The following REEP1 variants were observed in gnomAD, a reference collection of about 807,000 sequenced individuals.
REEP1 encodes the protein receptor expression-enhancing protein 1.
In REEP1, 22 loss-of-function variants were observed where a neutral mutation model predicts 40.3. The observed-to-expected ratio is 0.55, with a 90% confidence interval of 0.39 to 0.78. The LOEUF is 0.78. Ranked by LOEUF, REEP1 falls within the 30% of genes least tolerant of loss-of-function variation. The pLI, the probability that REEP1 is intolerant of heterozygous loss-of-function variation, is 0.00. For synonymous variants in REEP1, 116 were observed against 139.2 expected (o/e 0.83, Z 1.17); for missense variants, 280 against 361.1 (o/e 0.78, Z 1.82).
intron 5 of REEP1, among the ~76,000 whole-genome samples, chr2:86,242,461 G>C (rs1410837408): frequency 1.3e-5 from 2 of 152,190 alleles, no homozygotes; most frequent in Non-Finnish European, 2.9e-5. Context: ...TGAGAGGCCA[G>C]TTCTACCTGG....
chr2:86,310,208 G>C (rs879560102), intron 1 of REEP1, among the ~76,000 whole-genome samples: 1 of 152,186 alleles, frequency 6.6e-6, no homozygotes, highest in Non-Finnish European at 1.5e-5. Context: ...TGGCTCTGTT[G>C]TCCTTTTACA....
intron 1 of REEP1, among the ~76,000 whole-genome samples, chr2:86,298,774 T>C (rs1386664493): frequency 6.6e-6 from 1 of 152,214 alleles, no homozygotes; most frequent in Non-Finnish European, 1.5e-5. Flanking sequence ...CCATGGTACA[T>C]TCCTGGAAAT....
intron 7 of REEP1, among the ~76,000 whole-genome samples, chr2:86,223,025 G>T (rs1176242646): frequency 6.6e-6 from 1 of 152,212 alleles, no homozygotes; most frequent in Non-Finnish European, 1.5e-5. Context: ...GACAATGTGT[G>T]TGGGAGGAGG....
chr2:86,319,049 C>T (rs934582914), intron 1 of REEP1, among the ~76,000 whole-genome samples: 8 of 152,140 alleles, frequency 5.3e-5, no homozygotes, highest in African/African-American at 1.2e-4. Context: ...AAATTAAGGG[C>T]GCTTGCTAAC....
At chr2:86,273,852 C>A (rs576318771) in intron 2 of REEP1, among the ~76,000 whole-genome samples, 21 of 152,252 alleles carry the variant, frequency 1.4e-4, no homozygotes, top group African/African-American at 5.1e-4. Flanking sequence ...TGTTTATTCC[C>A]CTGCTTTTCC....
At chr2:86,325,864 A>G (rs1295072178) in intron 1 of REEP1, among the ~76,000 whole-genome samples, 1 of 152,258 alleles carries the variant, frequency 6.6e-6, no homozygotes, top group Non-Finnish European at 1.5e-5. Context: ...AGACTAAAAC[A>G]GTGGGAAAGG....
At chr2:86,262,208 G>A (rs1322279225) in intron 3 of REEP1, among the ~76,000 whole-genome samples, 1 of 152,088 alleles carries the variant, frequency 6.6e-6, no homozygotes. Flanking sequence ...TCTTTTCCAA[G>A]TCTCTCGTTC....
At chr2:86,295,162 CAG>C (rs1212383819) in intron 1 of REEP1, among the ~76,000 whole-genome samples, 5 of 152,238 alleles carry the variant, frequency 3.3e-5, no homozygotes, top group African/African-American at 4.8e-5. Context: ...TCAGGACAAT[CAG>C]GGAACAAATG....
At chr2:86,277,788 T>C (rs1251305353) in intron 2 of REEP1, among the ~76,000 whole-genome samples, 1 of 152,202 alleles carries the variant, frequency 6.6e-6, no homozygotes, top group Non-Finnish European at 1.5e-5. Flanking sequence ...ATGCTAGGTG[T>C]CCAGCATGTC....
intron 1 of REEP1, among the ~76,000 whole-genome samples, chr2:86,302,810 A>T (rs1042610230): frequency 1.1e-4 from 17 of 152,152 alleles, no homozygotes; most frequent in African/African-American, 3.9e-4. Context: ...CAGGTAATGG[A>T]ATTATGAGTA....
intron 2 of REEP1, among the ~76,000 whole-genome samples, chr2:86,269,841 TA>T (rs538391174): frequency 0.011 from 1,584 of 147,498 alleles, 38 homozygotes; most frequent in African/African-American, 0.035. Flanking sequence ...ATTTAAAATA[TA>T]AAAAAAAAAC....
In REEP1 at chr2:86,216,748, A is replaced by G. The variant is rs897992104; in HGVS notation, c.*291T>C. 4 of 369,556 alleles carry G rather than the reference A, an allele frequency of 1.1e-5. No homozygotes were observed. Among genetic ancestry groups the G allele is most frequent in the African/African-American group, 2.0e-5 (1 of 49,112 alleles). 22.9% of individuals were successfully genotyped at this position (369,556 alleles called of 1,614,324 possible). On this transcript the variant is annotated 3_prime_UTR_variant, in exon 9 of 9. Coordinates refer to ENST00000538924, the MANE Select transcript of REEP1 (RefSeq NM_001371279.1). ...TGATTCTCTTATCTTTCTAAAAAAC[A>G]CACTGCTGTCTATAATGACAATCCA...
rs1286008568 is a variant in REEP1 at position 86,252,135 on chromosome 2, T to A, written c.304-65A>T. ...TCAAACACATCTCTGTTTTCTTTCC[T>A]TTCCTCTGAGCATTGGGCTTGGCAG... On this transcript the variant is annotated intron_variant, in intron 4 of 8. Coordinates refer to ENST00000538924, the MANE Select transcript of REEP1 (RefSeq NM_001371279.1). 3 of 1,176,462 alleles carry A rather than the reference T, an allele frequency of 2.6e-6. No homozygotes were observed. In the African/African-American group the frequency reaches 4.5e-5, roughly 18 times the overall value. 72.9% of individuals were successfully genotyped at this position (1,176,462 alleles called of 1,614,324 possible).
At chr2:86,306,347 A>C (rs1243146165) in intron 1 of REEP1, among the ~76,000 whole-genome samples, 2 of 152,158 alleles carry the variant, frequency 1.3e-5, no homozygotes, top group African/African-American at 4.8e-5. Flanking sequence ...TAGCCTAAAA[A>C]CACAAAGGCT....
intron 1 of REEP1, among the ~76,000 whole-genome samples, chr2:86,316,548 CAAAAAAAAA>C (rs58561932): frequency 1.7e-4 from 12 of 70,436 alleles, no homozygotes; most frequent in East Asian, 1.3e-3. Context: ...AACTCTGTCT[CAAAAAAAAA>C]AAAAAAAAAA....
intron 1 of REEP1, among the ~76,000 whole-genome samples, chr2:86,298,512 G>A (rs149187602): frequency 0.011 from 1,737 of 152,352 alleles, 21 homozygotes; most frequent in Middle Eastern, 0.024. Flanking sequence ...AGAGCACCGT[G>A]TCGAGTTCTG....
chr2:86,266,728 C>T (rs1262885133), intron 2 of REEP1, among the ~76,000 whole-genome samples: 3 of 151,146 alleles, frequency 2.0e-5, no homozygotes, highest in Non-Finnish European at 4.4e-5. Context: ...AACTAAAAGG[C>T]CAGGCGTGGT....
chr2:86,262,590 T>G (rs1334170263), intron 3 of REEP1, among the ~76,000 whole-genome samples: 1 of 152,164 alleles, frequency 6.6e-6, no homozygotes, highest in Non-Finnish European at 1.5e-5. Context: ...ATTCAGAGAG[T>G]GCTATTCAGG....
At chr2:86,330,060 T>C (rs949498965) in intron 1 of REEP1, among the ~76,000 whole-genome samples, 1 of 152,188 alleles carries the variant, frequency 6.6e-6, no homozygotes, top group African/African-American at 2.4e-5. Flanking sequence ...CGGTTCTTTG[T>C]AATTGCTAAT....
Sources: gnomAD v4.1 joint callset for allele counts (sites outside exome capture counted in the v4.1 genomes callset) on GRCh38, gnomAD v4.1.1 for gene constraint, MANE v1.5 for transcripts, NCBI Gene and HGNC (gene_info 2026-07-23, HGNC 2026-07-21) for gene names.